TMED8: variants seen among roughly 807,000 people sequenced by gnomAD.
The protein encoded by TMED8 is transmembrane p24 trafficking protein family member 8.
In TMED8, 15 loss-of-function variants were observed where a neutral mutation model predicts 32.7. The ratio of observed to expected loss-of-function variants is 0.46; its 90% CI spans 0.31 to 0.71. The LOEUF (loss-of-function observed/expected upper bound fraction) is 0.71. Ranked by LOEUF, TMED8 falls within the 30% of genes least tolerant of loss-of-function variation. The pLI is 0.06. For missense variants in TMED8, 390 were observed against 423.9 expected (o/e 0.92, Z 0.70); for synonymous variants, 147 against 161.4 (o/e 0.91, Z 0.68).
Position 77,337,250 on chromosome 14 carries a change from G to A in TMED8, c.*4521C>T, listed in dbSNP as rs535556373. The A allele has an allele frequency of 6.6e-6, 1 of 152,276 alleles. No individual in the cohort carries two copies. Among genetic ancestry groups the A allele is most frequent in the East Asian group, 1.9e-4 (1 of 5,180 alleles). 9.4% of individuals were successfully genotyped at this position (152,276 alleles called of 1,614,324 possible). On this transcript the variant is annotated 3_prime_UTR_variant, in exon 6 of 6. Transcript: ENST00000216468. ...ACATGTCATCAAGCAACAGAGGTTA[G>A]CATAAAGCCCTTCCGGAGCAGCTTC...
In TMED8 at chr14:77,341,753, C is replaced by A; in HGVS notation, c.*18G>T. On this transcript the variant is annotated 3_prime_UTR_variant, in exon 6 of 6. Transcript: ENST00000216468. The stretch of plus-strand genomic sequence containing the variant: ...GCTTCAGCCAGCAAATACAGCCTGC[C>A]CCTGTCCCAGCAGTCCTTCAGCTGG... 6.2e-7 allele frequency: 1 copy of A among 1,613,392 alleles called. No individual in the cohort carries two copies. The highest frequency in any genetic ancestry group is 8.5e-7 in the Non-Finnish European group (1 of 1,179,352).
At chr14:77,352,922 TG>T (rs140468808) in intron 1 of TMED8, among the ~76,000 whole-genome samples, 3,860 of 152,280 alleles carry the variant, frequency 0.025, 174 homozygotes, top group African/African-American at 0.089. Context: ...AAAGGACTTT[TG>T]TATTTTCATT....
chr14:77,365,667 A>G (rs1893536973), intron 1 of TMED8, among the ~76,000 whole-genome samples: 1 of 152,234 alleles, frequency 6.6e-6, no homozygotes, highest in Non-Finnish European at 1.5e-5. Flanking sequence ...ATACTTAACC[A>G]AATTCCTAGT....
In TMED8 at chr14:77,341,823, T is replaced by C; in HGVS notation, c.926A>G (p.Tyr309Cys). 1.9e-6 allele frequency: 3 copies of C among 1,612,978 alleles called. No homozygotes were observed. Among genetic ancestry groups the C allele is most frequent in the Non-Finnish European group, 2.5e-6 (3 of 1,179,914 alleles). ...GAGAGTCTTGTTGCGCAGCAGGGAG[T>C]AGGAGTTGTCGAACTTGAGCAGGTA... ...GIYLLKFDNS[Y>C]SLLRNKTLYF... The change falls in exon 6 of 6, where the codon TAC becomes TGC. Residue 309 changes from tyrosine (Y) to cysteine (C), a missense_variant. Physicochemically the swap from Tyr to Cys is radical, Grantham distance 194. Transcript: ENST00000216468.
intron 1 of TMED8, among the ~76,000 whole-genome samples, chr14:77,370,753 G>GTGTGTC (rs1273412940): frequency 6.6e-6 from 1 of 151,934 alleles, no homozygotes; most frequent in Admixed American, 6.6e-5. Flanking sequence ...GTGTGTGTGT[G>GTGTGTC]TGTGTGTGTG....
Position 77,376,458 on chromosome 14 carries a change from G to A in TMED8, c.118+478C>T, listed in dbSNP as rs992091179. ...GCGCAGTGGGCTTCTGGCAGAGGAA[G>A]GCAAGGCTGCCAACCCGGGTGGGGG... On this transcript the variant is annotated intron_variant, in intron 1 of 5. Coordinates refer to ENST00000216468, the MANE Select transcript of TMED8 (RefSeq NM_213601.3). The surrounding 1 kb of genome is among the most constrained non-coding windows in gnomAD (Gnocchi z 4.0). Among the ~76,000 whole-genome samples, 1 of 152,258 alleles carries A rather than the reference G, an allele frequency of 6.6e-6. No individual in the cohort carries two copies. The highest frequency in any genetic ancestry group is 2.4e-5 in the African/African-American group (1 of 41,470).
chr14:77,373,046 A>G (rs374232187), intron 1 of TMED8, among the ~76,000 whole-genome samples: 2 of 134,494 alleles, frequency 1.5e-5, no homozygotes, highest in East Asian at 4.8e-4. Context: ...GCTCACTGCA[A>G]CCTCTGCCTC....
chr14:77,373,726 C>G (rs1409941206), intron 1 of TMED8, among the ~76,000 whole-genome samples: 8 of 152,186 alleles, frequency 5.3e-5, no homozygotes, highest in Admixed American at 2.0e-4. Context: ...CTCCAAATCT[C>G]ACGCTGAAAT....
chr14:77,351,436 G>GTTTTTTTTTTTT (rs1566687602), intron 2 of TMED8, among the ~76,000 whole-genome samples: 5 of 117,968 alleles, frequency 4.2e-5, no homozygotes, highest in African/African-American at 6.7e-5. Context: ...TTTTTTTTTG[G>GTTTTTTTTTTTT]ATTTTTAGTA....
intron 1 of TMED8, among the ~76,000 whole-genome samples, chr14:77,368,337 T>C (rs1381725252): frequency 6.6e-6 from 1 of 152,198 alleles, no homozygotes; most frequent in Non-Finnish European, 1.5e-5. Context: ...TGGGGGGCCA[T>C]TCTGGTAGAT....
In TMED8 at chr14:77,376,131, T is replaced by C. The variant is rs544172910; in HGVS notation, c.118+805A>G. On this transcript the variant is annotated intron_variant, in intron 1 of 5. Transcript: ENST00000216468. This position sits in a 1 kb window ranked among gnomAD's most constrained non-coding sequence, Gnocchi z 4.0. ...CTTTCAGTTGCATCGTGTGTGGTGT[T>C]CAGGAGGCTGAAAGAAGAAAGTGTG... is the stretch of plus-strand genomic sequence containing the variant. Among the ~76,000 whole-genome samples the C allele has an allele frequency of 5.0e-4, 76 of 152,340 alleles. No individual in the cohort carries two copies. The South Asian group carries it at 0.011, about 22-fold the overall frequency.
chr14:77,372,700 G>C (rs971482650), intron 1 of TMED8, among the ~76,000 whole-genome samples: 1 of 151,308 alleles, frequency 6.6e-6, no homozygotes, highest in Non-Finnish European at 1.5e-5. Flanking sequence ...CTGACTAATC[G>C]ACTATCTGGA....
chr14:77,367,090 C>T (rs2075302655), intron 1 of TMED8, among the ~76,000 whole-genome samples: 1 of 151,480 alleles, frequency 6.6e-6, no homozygotes, highest in African/African-American at 2.4e-5. Flanking sequence ...ACTAAAAATA[C>T]AAAATTAGCC....
intron 1 of TMED8, among the ~76,000 whole-genome samples, chr14:77,365,956 G>T (rs1281472968): frequency 2.6e-5 from 4 of 152,168 alleles, no homozygotes; most frequent in Non-Finnish European, 5.9e-5. Flanking sequence ...TGAAAGACTA[G>T]AAAGGCTATA....
chr14:77,374,907 T>C (rs779948094), intron 1 of TMED8, among the ~76,000 whole-genome samples: 2 of 152,210 alleles, frequency 1.3e-5, no homozygotes, highest in Non-Finnish European at 2.9e-5. Context: ...CGAGTACCAA[T>C]ACTTGATTCA....
intron 3 of TMED8, 46 bp from the exon 4 acceptor site, chr14:77,343,869 C>G (rs1200188494): frequency 6.3e-7 from 1 of 1,585,372 alleles, no homozygotes; most frequent in Non-Finnish European, 8.6e-7. Context: ...GTGGCAGATT[C>G]TAATTAATCT....
chr14:77,343,119 T>C (rs1892943676), intron 5 of TMED8, 59 bp downstream of exon 5: 2 of 1,548,526 alleles, frequency 1.3e-6, no homozygotes, highest in Non-Finnish European at 1.7e-6. Context: ...ACCCACAAAA[T>C]GGTCACCAGA....
intron 1 of TMED8, among the ~76,000 whole-genome samples, chr14:77,352,197 G>T (rs1893196438): frequency 1.3e-5 from 2 of 151,958 alleles, no homozygotes; most frequent in Non-Finnish European, 1.5e-5. Context: ...GGGAGGCTGA[G>T]GTGAGTCAGG....
chr14:77,368,796 T>C (rs1282472662), intron 1 of TMED8, among the ~76,000 whole-genome samples: 2 of 152,114 alleles, frequency 1.3e-5, no homozygotes, highest in African/African-American at 4.8e-5. Context: ...TTTATAGGAG[T>C]TTTAGATACA....
Sources: gnomAD v4.1 joint callset for allele counts (sites outside exome capture counted in the v4.1 genomes callset) on GRCh38, gnomAD v4.1.1 for gene constraint, Gnocchi (gnomAD v3.1) non-coding constraint, MANE v1.5 for transcripts, NCBI Gene and HGNC (gene_info 2026-07-23, HGNC 2026-07-21) for gene names.